ZC3H3: variants seen among roughly 807,000 people sequenced by gnomAD.
ZC3H3 encodes the protein zinc finger CCCH-type containing 3.
A neutral mutation model predicts 77.3 loss-of-function variants in ZC3H3; 36 were observed. The observed-to-expected ratio is 0.47, with a 90% CI of 0.36 to 0.61. The LOEUF is 0.61. Ranked by LOEUF, ZC3H3 falls within the 20% of genes least tolerant of loss-of-function variation. ZC3H3 has a pLI of 0.00. For missense variants in ZC3H3, 1,331 were observed against 1,312.2 expected (o/e 1.01, Z -0.22); for synonymous variants, 626 against 555.2 (o/e 1.13, Z -1.79).
intron 4 of ZC3H3, among the ~76,000 whole-genome samples, chr8:143,492,081 T>G (rs879448719): frequency 3.3e-5 from 5 of 152,014 alleles, no homozygotes; most frequent in Non-Finnish European, 5.9e-5. Flanking sequence ...GACACATGCG[T>G]GCCGAGAGGG....
At chr8:143,537,942 G>T in intron 2 of ZC3H3, 61 bp downstream of exon 2, 1 of 1,463,316 alleles carries the variant, frequency 6.8e-7, no homozygotes, top group Non-Finnish European at 9.2e-7. Flanking sequence ...TCCATTAGGG[G>T]TGCCAAACAA....
chr8:143,493,047 CCTCCT>C lies in ZC3H3; in HGVS notation c.1715+14694_1715+14698del. On this transcript the variant is annotated intron_variant, in intron 4 of 11. Coordinates refer to ENST00000262577, the MANE Select transcript of ZC3H3 (RefSeq NM_015117.3). The surrounding 1 kb of genome is among the most constrained non-coding windows in gnomAD (Gnocchi z 4.8). ...CTCCCGTGTCCTGGCCCAGGGGCTCCCTCCTCAGGGTCCCGTGTCCTGGCCCAGGG... is the reference window on the plus strand; with the variant it reads ...CTCCCGTGTCCTGGCCCAGGGGCTCCCAGGGTCCCGTGTCCTGGCCCAGGG... Among the ~76,000 whole-genome samples the C allele has an allele frequency of 5.3e-5, 1 of 18,846 alleles. No individual in the cohort carries two copies. Among genetic ancestry groups the C allele is most frequent in the Admixed American group, 5.1e-4 (1 of 1,946 alleles). 12.4% of individuals were successfully genotyped at this position (18,846 alleles called of 152,430 possible).
rs373236426 is a variant in ZC3H3 at position 143,441,062 on chromosome 8, C to T, written c.2366G>A (p.Arg789His). Residue 789 changes from arginine to histidine, a missense_variant, in exon 10 of 12, where the codon CGC (arginine) becomes CAC (histidine). Around this residue, in one of 3 missense-constraint regions of ZC3H3, gnomAD observed 249 missense variants for 236.9 expected, o/e 1.05. Transcript: ENST00000262577. ...GTGGAGCAGCTGGCACTGGGCGCCG[C>T]GGGGACACGCCCCCCTGCGGGCAAA... ...PDFARRGACP[R>H]GAQCQLLHRT... 8.5e-5 allele frequency: 125 copies of T among 1,475,056 alleles called. No homozygotes were observed. Among genetic ancestry groups the T allele is most frequent in the Middle Eastern group, 1.8e-4 (1 of 5,696 alleles). The allele number at this position is 1,475,056 out of a possible 1,614,324, so 91.4% of individuals were successfully genotyped here.
At chr8:143,523,167 GCCACTA>G (rs1822304861) in intron 3 of ZC3H3, among the ~76,000 whole-genome samples, 1 of 152,176 alleles carries the variant, frequency 6.6e-6, no homozygotes, top group South Asian at 2.1e-4. Flanking sequence ...AGCAGTGCTG[GCCACTA>G]CTCCCTCGTC....
intron 4 of ZC3H3, among the ~76,000 whole-genome samples, chr8:143,499,368 T>G (rs567223412): frequency 1.8e-4 from 27 of 147,084 alleles, no homozygotes; most frequent in Middle Eastern, 3.5e-3. Context: ...TCCCAGCCCC[T>G]CCCGCCCAGC....
intron 3 of ZC3H3, among the ~76,000 whole-genome samples, chr8:143,516,563 ACACATACACACACACACT>A: frequency 1.0e-5 from 1 of 96,496 alleles, no homozygotes. Context: ...ACACACACAC[ACACATACACACACACACT>A]CACTCTCATG....
chr8:143,449,449 C>G (rs113555533), intron 9 of ZC3H3, among the ~76,000 whole-genome samples: 217 of 152,328 alleles, frequency 1.4e-3, no homozygotes, highest in African/African-American at 5.1e-3. Context: ...TGGTTGTGTA[C>G]AGTGGCTCAT....
At chr8:143,461,623 G>A (rs1820265247) in intron 9 of ZC3H3, among the ~76,000 whole-genome samples, 1 of 152,182 alleles carries the variant, frequency 6.6e-6, no homozygotes, top group Non-Finnish European at 1.5e-5. Context: ...CAAAGAAAGT[G>A]TGGAGAGCCT....
chr8:143,444,789 C>T (rs1191612269), intron 9 of ZC3H3, among the ~76,000 whole-genome samples: 5 of 152,134 alleles, frequency 3.3e-5, no homozygotes, highest in Admixed American at 3.3e-4. Context: ...TTTGGAAGCC[C>T]ACTATCATCA....
At chr8:143,528,467 G>A (rs1242227910) in intron 3 of ZC3H3, among the ~76,000 whole-genome samples, 1 of 152,210 alleles carries the variant, frequency 6.6e-6, no homozygotes, top group African/African-American at 2.4e-5. Flanking sequence ...CAGCCTCCCG[G>A]GGAGATCGCC....
chr8:143,519,594 GT>G (rs1227113711), intron 3 of ZC3H3, among the ~76,000 whole-genome samples: 5 of 152,200 alleles, frequency 3.3e-5, no homozygotes, highest in Non-Finnish European at 7.4e-5. Flanking sequence ...GTGTTCACGT[GT>G]GCTCACACTG....
chr8:143,473,914 G>A (rs968831951), intron 5 of ZC3H3, among the ~76,000 whole-genome samples: 49 of 152,266 alleles, frequency 3.2e-4, no homozygotes, highest in Non-Finnish European at 5.4e-4. Flanking sequence ...AGAGAAGCCC[G>A]AGGCCCCTCC....
intron 11 of ZC3H3, among the ~76,000 whole-genome samples, chr8:143,439,438 G>A (rs528873386): frequency 3.3e-4 from 50 of 152,308 alleles, no homozygotes; most frequent in Admixed American, 6.5e-4. Context: ...TCAAACGCGC[G>A]GAGAGCTGTA....
intron 4 of ZC3H3, among the ~76,000 whole-genome samples, chr8:143,505,437 G>T (rs1448996958): frequency 6.6e-6 from 1 of 152,218 alleles, no homozygotes; most frequent in African/African-American, 2.4e-5. Flanking sequence ...ACAGGCAACA[G>T]CAGGCCAGGC....
intron 9 of ZC3H3, among the ~76,000 whole-genome samples, chr8:143,443,224 G>T (rs1382737591): frequency 6.8e-6 from 1 of 146,512 alleles, no homozygotes; most frequent in Non-Finnish European, 1.5e-5. Flanking sequence ...GGTGGAGGTT[G>T]CAGTGAGCCA....
At chr8:143,514,027 CAG>C (rs1385247347) in intron 3 of ZC3H3, among the ~76,000 whole-genome samples, 3 of 152,218 alleles carry the variant, frequency 2.0e-5, no homozygotes, top group Admixed American at 6.5e-5. Flanking sequence ...TGGGGCCACA[CAG>C]AGTCGCCACC....
At position 143,494,072 on chromosome 8, in the gene ZC3H3, T is replaced by C. The variant is rs971633847; in HGVS notation, c.1715+13674A>G. On this transcript the variant is annotated intron_variant, in intron 4 of 11. Transcript: ENST00000262577. The surrounding 1 kb of genome is among the most constrained non-coding windows in gnomAD (Gnocchi z 5.3). ...GCCGGAGTCCTGCCTCAGCAGCACG[T>C]GGGGAAGCCTGGGGAGTGGGAGGGG... Among the ~76,000 whole-genome samples the C allele has an allele frequency of 3.3e-5, 5 of 152,030 alleles. No homozygotes were observed. Among genetic ancestry groups the C allele is most frequent in the African/African-American group, 1.2e-4 (5 of 41,388 alleles).
chr8:143,486,658 A>G (rs1586914493), intron 4 of ZC3H3, among the ~76,000 whole-genome samples: 1 of 152,080 alleles, frequency 6.6e-6, no homozygotes, highest in East Asian at 1.9e-4. Context: ...GGCACCCGCT[A>G]CATGACCCCA....
intron 3 of ZC3H3, among the ~76,000 whole-genome samples, chr8:143,520,114 G>C (rs1822193557): frequency 6.6e-6 from 1 of 152,216 alleles, no homozygotes. Flanking sequence ...GGAGCGGTGG[G>C]GGTGCCCAGA....
Sources: allele counts gnomAD v4.1 joint callset (sites outside exome capture counted in the v4.1 genomes callset), GRCh38; gene constraint gnomAD v4.1.1; regional missense constraint gnomAD v4.1.1; non-coding constraint Gnocchi (gnomAD v3.1); transcripts MANE v1.5; gene names NCBI Gene and HGNC (gene_info 2026-07-23, HGNC 2026-07-21).